The following RBMS3 variants were observed in gnomAD, a reference collection of about 807,000 sequenced individuals.
RBMS3 encodes RNA binding motif single stranded interacting protein 3.
RBMS3 carries 27 observed loss-of-function variants against 66.8 expected under a neutral mutation model. The ratio of observed to expected loss-of-function variants is 0.40; its 90% CI spans 0.30 to 0.56. The LOEUF (loss-of-function observed/expected upper bound fraction) is 0.56, where lower values mean the gene tolerates loss of function less well. Among genes scored for constraint, RBMS3 ranks in the 20% least tolerant of loss-of-function variants. RBMS3 has a pLI of 0.40. For missense variants in RBMS3, 513 were observed against 549.5 expected (o/e 0.93, Z 0.66); for synonymous variants, 188 against 183.0 (o/e 1.03, Z -0.22).
chr3:29,517,614 C>T (rs1024436821), intron 3 of RBMS3, among the ~76,000 whole-genome samples: 1 of 152,112 alleles, frequency 6.6e-6, no homozygotes, highest in East Asian at 1.9e-4. Flanking sequence ...TGAGCCACCG[C>T]GCCCGGCCCT....
intron 1 of RBMS3, among the ~76,000 whole-genome samples, chr3:29,288,771 G>A (rs188547550): frequency 5.3e-5 from 8 of 151,930 alleles, no homozygotes; most frequent in African/African-American, 9.6e-5. Flanking sequence ...CTACAAATCC[G>A]CAAAACCTAC....
chr3:29,419,249 T>A (rs2040604357), intron 1 of RBMS3, among the ~76,000 whole-genome samples: 1 of 152,188 alleles, frequency 6.6e-6, no homozygotes, highest in Admixed American at 6.5e-5. Flanking sequence ...CTGAGAACTC[T>A]GTATTAACCC....
At chr3:29,967,963 C>T (rs1357792885) in intron 12 of RBMS3, among the ~76,000 whole-genome samples, 4 of 152,010 alleles carry the variant, frequency 2.6e-5, no homozygotes, top group Non-Finnish European at 5.9e-5. Flanking sequence ...GTTTTAATTT[C>T]ATTTAGTTCT....
intron 10 of RBMS3, among the ~76,000 whole-genome samples, chr3:29,931,419 C>T (rs1333982229): frequency 6.6e-6 from 1 of 152,148 alleles, no homozygotes; most frequent in African/African-American, 2.4e-5. Context: ...TTGTCAAATC[C>T]TTCCAAAATG....
rs1409803866 is a variant in RBMS3 at position 29,991,969 on chromosome 3, TACATTTGGCTTTGTGTTGAGTAA to T, written c.1307+770_1307+792del. Reference sequence around the variant, plus strand: ...TCCTTAAATCACTCATAATGCAAAGTACATTTGGCTTTGTGTTGAGTAAACATTTGGCAAACTTTGGTAAAGTT... The same window carrying T: ...TCCTTAAATCACTCATAATGCAAAGTACATTTGGCAAACTTTGGTAAAGTT... On this transcript the variant is annotated intron_variant, in intron 14 of 14. Transcript: ENST00000383767. Among the ~76,000 whole-genome samples, 10 of 152,276 alleles carry T rather than the reference TACATTTGGCTTTGTGTTGAGTAA, an allele frequency of 6.6e-5. No homozygotes were observed. In the East Asian group the frequency reaches 1.7e-3, roughly 26 times the overall value.
intron 3 of RBMS3, among the ~76,000 whole-genome samples, chr3:29,573,472 C>A (rs1323657980): frequency 6.6e-6 from 1 of 151,734 alleles, no homozygotes; most frequent in East Asian, 1.9e-4. Context: ...TTTTTTTCTT[C>A]ATTAGTCTGG....
chr3:29,692,266 G>A (rs1330190439), intron 4 of RBMS3, among the ~76,000 whole-genome samples: 1 of 151,898 alleles, frequency 6.6e-6, no homozygotes, highest in Non-Finnish European at 1.5e-5. Flanking sequence ...ACAGGTGTGA[G>A]CCACCGCGCC....
At chr3:29,833,023 C>G (rs186266622) in intron 6 of RBMS3, among the ~76,000 whole-genome samples, 26 of 152,230 alleles carry the variant, frequency 1.7e-4, no homozygotes, top group Middle Eastern at 3.4e-3. Context: ...GGGAGGTTCT[C>G]AGAACCTGTC....
intron 4 of RBMS3, among the ~76,000 whole-genome samples, chr3:29,737,420 T>C (rs2054432045): frequency 6.6e-6 from 1 of 152,190 alleles, no homozygotes; most frequent in South Asian, 2.1e-4. Flanking sequence ...AACATTGGAC[T>C]TGTGGAAAAT....
intron 5 of RBMS3, among the ~76,000 whole-genome samples, chr3:29,750,203 A>T (rs1208718028): frequency 6.6e-6 from 1 of 152,190 alleles, no homozygotes; most frequent in South Asian, 2.1e-4. Flanking sequence ...GGCAGATTTT[A>T]CTTCGTCCAA....
chr3:29,682,006 C>T (rs189454464), intron 4 of RBMS3, among the ~76,000 whole-genome samples: 1 of 152,292 alleles, frequency 6.6e-6, no homozygotes, highest in East Asian at 1.9e-4. Flanking sequence ...TCTACAACCT[C>T]ACCAGCATCT....
At chr3:29,446,754 G>A (rs1362039006) in intron 2 of RBMS3, among the ~76,000 whole-genome samples, 1 of 152,036 alleles carries the variant, frequency 6.6e-6, no homozygotes, top group Non-Finnish European at 1.5e-5. Flanking sequence ...GTCAACATGT[G>A]TCTATCAGTG....
chr3:29,834,753 T>C (rs139173739), intron 6 of RBMS3, among the ~76,000 whole-genome samples: 71 of 152,014 alleles, frequency 4.7e-4, no homozygotes, highest in African/African-American at 1.6e-3. Context: ...CAGAAAACAA[T>C]TGACAAAAGG....
chr3:29,685,866 G>A (rs1161433268), intron 4 of RBMS3, among the ~76,000 whole-genome samples: 2 of 152,148 alleles, frequency 1.3e-5, no homozygotes, highest in Non-Finnish European at 2.9e-5. Context: ...CACACCTTCT[G>A]CACCACTGCT....
chr3:29,468,977 G>A (rs993665979), intron 2 of RBMS3, among the ~76,000 whole-genome samples: 6 of 152,060 alleles, frequency 3.9e-5, no homozygotes, highest in African/African-American at 1.4e-4. Context: ...AAAGCATGGT[G>A]AATTATAGAG....
chr3:29,422,034 A>G (rs906838463), intron 1 of RBMS3, among the ~76,000 whole-genome samples: 1 of 152,222 alleles, frequency 6.6e-6, no homozygotes, highest in Non-Finnish European at 1.5e-5. Context: ...TTTTATTCTC[A>G]GTGCTTTACA....
chr3:29,770,886 A>T (rs1163972353), intron 6 of RBMS3, among the ~76,000 whole-genome samples: 1 of 151,982 alleles, frequency 6.6e-6, no homozygotes, highest in East Asian at 1.9e-4. Context: ...ATTTAATAGG[A>T]TTGATTTAAG....
intron 6 of RBMS3, among the ~76,000 whole-genome samples, chr3:29,816,281 C>T (rs537913068): frequency 4.4e-4 from 66 of 150,078 alleles, no homozygotes; most frequent in East Asian, 2.8e-3. Flanking sequence ...CCCCTGTGCG[C>T]GCACACACAG....
chr3:29,717,460 C>T (rs562959571), intron 4 of RBMS3, among the ~76,000 whole-genome samples: 2 of 151,880 alleles, frequency 1.3e-5, no homozygotes, highest in South Asian at 4.2e-4. Flanking sequence ...CTTTTTCTAC[C>T]CCAACTAGTG....
Sources: gnomAD v4.1 joint callset for allele counts (sites outside exome capture counted in the v4.1 genomes callset) on GRCh38, gnomAD v4.1.1 for gene constraint, MANE v1.5 for transcripts, NCBI Gene and HGNC (gene_info 2026-07-23, HGNC 2026-07-21) for gene names.